Variants in DISP1 observed in about 807,000 individuals in gnomAD.
DISP1 encodes dispatched RND transporter family member 1.
A neutral mutation model predicts 37.3 loss-of-function variants in DISP1; 30 were observed. The observed-to-expected ratio is 0.80, with a 90% CI of 0.60 to 1.09. The LOEUF (loss-of-function observed/expected upper bound fraction) is 1.09, where lower values mean the gene tolerates loss of function less well. Ranked by LOEUF, DISP1 falls within the 50% of genes least tolerant of loss-of-function variation. The pLI is 0.00. For synonymous variants in DISP1, 634 were observed against 690.2 expected (o/e 0.92, Z 1.28); for missense variants, 1,598 against 1,879.5 (o/e 0.85, Z 2.77).
intron 1 of DISP1, among the ~76,000 whole-genome samples, chr1:222,898,278 G>C (rs1384953661): frequency 1.3e-5 from 2 of 152,098 alleles, no homozygotes; most frequent in Non-Finnish European, 2.9e-5. Flanking sequence ...GTGGTAAATA[G>C]AATTTTTTTT....
rs1405729725 is a variant in DISP1 at position 223,003,125 on chromosome 1, C to G, written c.1728C>G (p.Val576=). ...LVGIGADDAF[V]LCDVWNYTKF... Reference sequence around the variant, plus strand: ...GAATTGGAGCAGATGATGCTTTTGTCCTGTGTGATGTTTGGAACTACACAA... The same window carrying G: ...GAATTGGAGCAGATGATGCTTTTGTGCTGTGTGATGTTTGGAACTACACAA... The change falls in exon 9 of 9, where the codon GTC becomes GTG. Residue 576 remains valine, a synonymous_variant. Coordinates refer to ENST00000675850, the MANE Select transcript of DISP1 (RefSeq NM_001377229.1). The surrounding 1 kb of genome is among the most constrained non-coding windows in gnomAD (Gnocchi z 4.3). The G allele has an allele frequency of 6.2e-7, 1 of 1,614,172 alleles. No individual in the cohort carries two copies. The highest frequency in any genetic ancestry group is 8.5e-7 in the Non-Finnish European group (1 of 1,180,034).
At chr1:222,922,477 G>T (rs959292053) in intron 1 of DISP1, among the ~76,000 whole-genome samples, 6 of 152,268 alleles carry the variant, frequency 3.9e-5, no homozygotes, top group African/African-American at 9.6e-5. Flanking sequence ...GGTATACAGG[G>T]TGTAAAGGTC....
intron 1 of DISP1, among the ~76,000 whole-genome samples, chr1:222,908,439 T>C (rs1672032467): frequency 6.6e-6 from 1 of 152,190 alleles, no homozygotes; most frequent in African/African-American, 2.4e-5. Flanking sequence ...GGAGTCTTGC[T>C]CTGTCGCCCA....
In DISP1 at chr1:222,878,015, C is replaced by G. The variant is rs141227405; in HGVS notation, c.-158-50415C>G. 4.2e-3 allele frequency among the ~76,000 whole-genome samples: 636 copies of G among 152,248 alleles called. 13 individuals are homozygous for G. The highest frequency in any genetic ancestry group is 0.018 in the Admixed American group (275 of 15,282). On this transcript the variant is annotated intron_variant, in intron 1 of 8. Coordinates refer to ENST00000675850, the MANE Select transcript of DISP1 (RefSeq NM_001377229.1). ...TGGAGAAGTAGGTATGAGTCAGATCCCACAGAATTCTGTAGTCCCCATTGG... is the reference window on the plus strand; with the variant it reads ...TGGAGAAGTAGGTATGAGTCAGATCGCACAGAATTCTGTAGTCCCCATTGG...
Position 223,002,635 on chromosome 1 carries a change from A to G in DISP1, c.1238A>G (p.Asn413Ser), listed in dbSNP as rs757853636. 22 of 1,614,058 alleles carry G rather than the reference A, an allele frequency of 1.4e-5. No homozygotes were observed. The East Asian group carries it at 3.1e-4, about 23-fold the overall frequency. Residue 413 changes from asparagine to serine, a missense_variant, in exon 9 of 9, where the codon AAT becomes AGT. Coordinates refer to ENST00000675850, the MANE Select transcript of DISP1 (RefSeq NM_001377229.1). ...AGAAAGGACCAGCTCAAGTGCACCA[A>G]TGTGCCACGCAAATGTACCAAGTAC... The part of the protein sequence containing the change: ...ARRKDQLKCT[N>S]VPRKCTKYNA...
intron 1 of DISP1, chr1:222,837,003 A>G (rs1425342068): frequency 1.8e-5 from 7 of 398,368 alleles, no homozygotes; most frequent in African/African-American, 1.4e-4. Flanking sequence ...CAGAAATAAA[A>G]TTTCTAGTCC....
chr1:222,994,850 ACCTTTTTCTTT>A (rs746807688), intron 7 of DISP1, 24 bp from the exon 8 acceptor site: 6 of 1,455,110 alleles, frequency 4.1e-6, no homozygotes, highest in Middle Eastern at 2.1e-4. Context: ...TAATTTATAA[ACCTTTTTCTTT>A]CCTTTTTTTT....
chr1:222,826,624 A>G (rs1483843978), intron 1 of DISP1, among the ~76,000 whole-genome samples: 1 of 151,776 alleles, frequency 6.6e-6, no homozygotes, highest in Non-Finnish European at 1.5e-5. Flanking sequence ...CCTGGGTCAA[A>G]CGAGCCTCCT....
At chr1:222,981,773 G>T (rs1407166469) in intron 3 of DISP1, among the ~76,000 whole-genome samples, 4 of 152,112 alleles carry the variant, frequency 2.6e-5, no homozygotes, top group Admixed American at 6.5e-5. Flanking sequence ...ATTTTGTTTT[G>T]TTTCTCCAAG....
intron 8 of DISP1, among the ~76,000 whole-genome samples, chr1:222,995,352 A>C (rs1417660600): frequency 6.6e-6 from 1 of 152,140 alleles, no homozygotes; most frequent in African/African-American, 2.4e-5. Flanking sequence ...GCCCTGAGGC[A>C]GTTGTCAGCA....
At chr1:222,828,887 T>C (rs1242834132) in intron 1 of DISP1, among the ~76,000 whole-genome samples, 1 of 152,198 alleles carries the variant, frequency 6.6e-6, no homozygotes, top group Non-Finnish European at 1.5e-5. Flanking sequence ...TCTCCAGCCA[T>C]GGGGCTGCAT....
Position 222,959,861 on chromosome 1 carries a change from C to G in DISP1, c.509+16529C>G, listed in dbSNP as rs188639994. On this transcript the variant is annotated intron_variant, in intron 3 of 8. Transcript: ENST00000675850. ...AGTCTCTGACAAAACAGACTTTAAA[C>G]CAACAAAGATCAAAAAAGACAAGGA... 2.2e-3 allele frequency among the ~76,000 whole-genome samples: 328 copies of G among 145,938 alleles called. 2 individuals are homozygous for G. Among genetic ancestry groups the G allele is most frequent in the African/African-American group, 7.6e-3 (304 of 40,060 alleles).
intron 3 of DISP1, among the ~76,000 whole-genome samples, chr1:222,963,724 A>C (rs1224030301): frequency 6.7e-6 from 1 of 149,202 alleles, no homozygotes; most frequent in Non-Finnish European, 1.5e-5. Context: ...ATGAGAACAC[A>C]TGGACACTGG....
chr1:222,911,453 A>C (rs1016591941), intron 1 of DISP1, among the ~76,000 whole-genome samples: 12 of 152,136 alleles, frequency 7.9e-5, no homozygotes, highest in African/African-American at 2.7e-4. Flanking sequence ...GGCACCTTCT[A>C]GTACCCTTCT....
intron 1 of DISP1, among the ~76,000 whole-genome samples, chr1:222,856,531 A>T (rs1467067168): frequency 6.6e-6 from 1 of 152,208 alleles, no homozygotes; most frequent in Non-Finnish European, 1.5e-5. Flanking sequence ...AGACAGGCAC[A>T]TAGTAGGGTA....
At chr1:222,977,309 C>T (rs1268074974) in intron 3 of DISP1, among the ~76,000 whole-genome samples, 4 of 147,738 alleles carry the variant, frequency 2.7e-5, no homozygotes, top group Admixed American at 2.0e-4. Context: ...GCTGGGATTA[C>T]AGGCATGAGC....
chr1:222,853,585 C>T (rs758728086), intron 1 of DISP1, among the ~76,000 whole-genome samples: 6 of 152,166 alleles, frequency 3.9e-5, no homozygotes, highest in Non-Finnish European at 1.5e-5. Context: ...TCCTGTCATT[C>T]ACAGCAACAT....
chr1:222,866,714 G>A (rs1278574787), intron 1 of DISP1, among the ~76,000 whole-genome samples: 2 of 152,024 alleles, frequency 1.3e-5, no homozygotes, highest in Non-Finnish European at 2.9e-5. Flanking sequence ...TAAAATCCAG[G>A]TATATTTTAA....
chr1:222,991,829 ATTTTCTTTTTTT>A (rs1353180129), intron 6 of DISP1, among the ~76,000 whole-genome samples, 172 bp from the exon 7 acceptor site: 2 of 151,102 alleles, frequency 1.3e-5, no homozygotes, highest in African/African-American at 2.4e-5. Flanking sequence ...AAAAGGTGAG[ATTTTCTTTTTTT>A]TTTTCTTTTT....
Sources: gnomAD v4.1 joint callset for allele counts (sites outside exome capture counted in the v4.1 genomes callset) on GRCh38, gnomAD v4.1.1 for gene constraint, Gnocchi (gnomAD v3.1) non-coding constraint, MANE v1.5 for transcripts, NCBI Gene and HGNC (gene_info 2026-07-23, HGNC 2026-07-21) for gene names.